The following ENKUR variants were observed in gnomAD, a reference collection of about 807,000 sequenced individuals.
ENKUR encodes enkurin.
A neutral mutation model predicts 27.6 loss-of-function variants in ENKUR; 19 were observed. That is an observed-to-expected ratio of 0.69 (90% CI 0.48 to 1.01). The LOEUF (loss-of-function observed/expected upper bound fraction) is 1.01, where lower values mean the gene tolerates loss of function less well. Ranked by LOEUF, ENKUR falls within the 50% of genes least tolerant of loss-of-function variation. The pLI is 0.00. For missense variants in ENKUR, 312 were observed against 310.5 expected (o/e 1.00, Z -0.04); for synonymous variants, 117 against 96.9 (o/e 1.21, Z -1.22).
intron 2 of ENKUR, among the ~76,000 whole-genome samples, chr10:25,049,940 A>G (rs932130831): frequency 1.6e-4 from 24 of 152,170 alleles, no homozygotes; most frequent in Non-Finnish European, 2.9e-4. Context: ...TAATTGGCTC[A>G]TGGTTCTGCA....
At position 25,035,886 on chromosome 10, in the gene ENKUR, T is replaced by C. The variant is rs560640113; in HGVS notation, c.37+25226A>G. On this transcript the variant is annotated intron_variant, in intron 2 of 5. Transcript: ENST00000615958. ...ACATACACTGCTAAATCTTGATCTT[T>C]GGGCGTCAGTTCACTGCACTTAAAG... 1.2e-3 allele frequency among the ~76,000 whole-genome samples: 185 copies of C among 152,358 alleles called. 1 individual carries two copies. The highest frequency in any genetic ancestry group is 0.01 in the Middle Eastern group (3 of 294).
At chr10:24,984,968 A>G in intron 4 of ENKUR, 63 bp from the exon 5 acceptor site, 1 of 1,250,242 alleles carries the variant, frequency 8.0e-7, no homozygotes, top group Non-Finnish European at 1.1e-6. Context: ...GAAATGGGAA[A>G]AGCTAATTGG....
intron 2 of ENKUR, among the ~76,000 whole-genome samples, chr10:25,060,423 C>T (rs938390846): frequency 2.0e-5 from 3 of 152,222 alleles, no homozygotes; most frequent in Admixed American, 6.5e-5. Flanking sequence ...ACACAGTTCT[C>T]ATCCTCAACA....
intron 1 of ENKUR, among the ~76,000 whole-genome samples, chr10:25,004,813 T>A (rs932594258): frequency 2.0e-5 from 3 of 152,206 alleles, no homozygotes; most frequent in African/African-American, 7.2e-5. Flanking sequence ...GCTTTTGGCA[T>A]CTTCATCATT....
intron 2 of ENKUR, among the ~76,000 whole-genome samples, chr10:25,028,474 A>G (rs560554873): frequency 7.9e-5 from 12 of 152,054 alleles, no homozygotes; most frequent in African/African-American, 2.9e-4. Context: ...CCTTCAACCT[A>G]CTTAAATGGT....
At chr10:25,050,709 GGA>G (rs1851179186) in intron 2 of ENKUR, among the ~76,000 whole-genome samples, 1 of 152,110 alleles carries the variant, frequency 6.6e-6, no homozygotes, top group Non-Finnish European at 1.5e-5. Flanking sequence ...AATGTGCAGA[GGA>G]GACAGTGAAA....
upstream of ENKUR, chr10:25,016,915 C>G (rs961510892): frequency 2.0e-5 from 3 of 152,558 alleles, no homozygotes; most frequent in African/African-American, 7.2e-5. Context: ...GCGCATTTTT[C>G]CTGCTGCTTC....
At chr10:24,984,521 T>A in intron 5 of ENKUR, 145 bp from the exon 6 acceptor site, 1 of 1,195,490 alleles carries the variant, frequency 8.4e-7, no homozygotes, top group Non-Finnish European at 1.1e-6. Flanking sequence ...ATTTAATAGT[T>A]TATATGTGGA....
chr10:24,992,272 A>G (rs1479225104), intron 3 of ENKUR, among the ~76,000 whole-genome samples: 1 of 152,198 alleles, frequency 6.6e-6, no homozygotes, highest in African/African-American at 2.4e-5. Flanking sequence ...AATAATATGT[A>G]TGTGTTCTGA....
At chr10:25,008,472 A>T (rs1850365299) in intron 1 of ENKUR, among the ~76,000 whole-genome samples, 1 of 152,236 alleles carries the variant, frequency 6.6e-6, no homozygotes, top group Admixed American at 6.5e-5. Flanking sequence ...AAACAAAGAG[A>T]TGTTATAAAG....
chr10:24,988,484 G>T (rs904290445), intron 4 of ENKUR, among the ~76,000 whole-genome samples: 3 of 144,600 alleles, frequency 2.1e-5, no homozygotes, highest in Non-Finnish European at 3.0e-5. Context: ...TATAAAATAC[G>T]TATAAATAGA....
In ENKUR at chr10:24,992,036, A is replaced by G. The variant is rs77687942; in HGVS notation, c.448-1427T>C. ...GCGAGGGGAATAAGGGAATTTTCCCATGTCACAACGACTGACAGTGAAGCC... is the reference window on the plus strand; with the variant it reads ...GCGAGGGGAATAAGGGAATTTTCCCGTGTCACAACGACTGACAGTGAAGCC... On this transcript the variant is annotated intron_variant, in intron 3 of 5. Transcript: ENST00000331161. 5.8e-4 allele frequency among the ~76,000 whole-genome samples: 88 copies of G among 152,352 alleles called. 3 individuals carry two copies. In the East Asian group the frequency reaches 0.017, roughly 29 times the overall value.
At chr10:25,025,412 T>A in intron 2 of ENKUR, 1 of 1,612,706 alleles carries the variant, frequency 6.2e-7, no homozygotes, top group South Asian at 1.1e-5. Flanking sequence ...ATGAATGTCT[T>A]GAAGAGTCAT....
chr10:25,054,563 TCTTC>T (rs1158769348), intron 2 of ENKUR, among the ~76,000 whole-genome samples: 2 of 150,314 alleles, frequency 1.3e-5, no homozygotes, highest in African/African-American at 4.9e-5. Context: ...TTTCTTTCTT[TCTTC>T]CTTCTTTCTT....
intron 2 of ENKUR, among the ~76,000 whole-genome samples, chr10:25,052,297 G>A (rs1851195231): frequency 1.3e-5 from 2 of 152,180 alleles, no homozygotes; most frequent in African/African-American, 4.8e-5. Context: ...GCTAAAGGCT[G>A]CATTTTATGG....
chr10:24,995,498 C>G lies in ENKUR; in HGVS notation c.447+148G>C, dbSNP rs1241355404. On this transcript the variant is annotated intron_variant, in intron 3 of 5. Coordinates refer to ENST00000331161, the MANE Select transcript of ENKUR (RefSeq NM_145010.4). ...TAACTTCATCCCATTACATTTGGAC[C>G]AAACACAGATTGCAGAAGAATGAGA... 7 of 691,454 alleles carry G rather than the reference C, an allele frequency of 1.0e-5. No homozygotes were observed. The African/African-American group carries it at 1.1e-4, about 11-fold the overall frequency. The allele number at this position is 691,454 out of a possible 1,614,324, so 42.8% of individuals were successfully genotyped here. A position where few individuals can be genotyped will look rare whatever the true frequency, so the allele number is the denominator to read the frequency against.
chr10:25,029,615 A>C (rs1452911169), intron 2 of ENKUR, among the ~76,000 whole-genome samples: 1 of 152,184 alleles, frequency 6.6e-6, no homozygotes, highest in East Asian at 1.9e-4. Context: ...TTTTGTCCCT[A>C]TCCAGGAAAA....
intron 2 of ENKUR, among the ~76,000 whole-genome samples, chr10:25,032,474 G>A (rs1850947738): frequency 6.6e-6 from 1 of 152,172 alleles, no homozygotes; most frequent in African/African-American, 2.4e-5. Context: ...ATCCTAATCA[G>A]CAGTCACCCT....
intron 2 of ENKUR, among the ~76,000 whole-genome samples, chr10:25,042,381 G>A (rs111648288): frequency 0.014 from 2,168 of 151,292 alleles, 58 homozygotes; most frequent in African/African-American, 0.048. Flanking sequence ...TGCAACCTCC[G>A]CCTCCCGGGT....
Sources: allele counts gnomAD v4.1 joint callset (sites outside exome capture counted in the v4.1 genomes callset), GRCh38; gene constraint gnomAD v4.1.1; transcripts MANE v1.5; gene names NCBI Gene and HGNC (gene_info 2026-07-23, HGNC 2026-07-21).